Variants in RIMKLA observed in about 807,000 individuals in gnomAD.
RIMKLA encodes ribosomal modification protein rimK like family member A.
Under a neutral mutation model 32.7 loss-of-function variants are expected in RIMKLA, and 14 were observed. That is an observed-to-expected ratio of 0.43 (90% CI 0.28 to 0.67). RIMKLA has a LOEUF of 0.67. Ranked by LOEUF, RIMKLA falls within the 30% of genes least tolerant of loss-of-function variation. The pLI is 0.18. For missense variants in RIMKLA, 410 were observed against 519.0 expected (o/e 0.79, Z 2.04); for synonymous variants, 176 against 204.1 (o/e 0.86, Z 1.18).
Position 42,385,755 on chromosome 1 carries a change from C to G in RIMKLA, c.163+4658C>G, listed in dbSNP as rs58474403. On this transcript the variant is annotated intron_variant, in intron 1 of 4. Coordinates refer to ENST00000431473, the MANE Select transcript of RIMKLA (RefSeq NM_173642.4). Reference sequence around the variant, plus strand: ...TCTTTCTTTCTTTCTTTCTTTCTTTCTTTCTTTCTTTCTTTGTTTCTTTGT... The same window carrying G: ...TCTTTCTTTCTTTCTTTCTTTCTTTGTTTCTTTCTTTCTTTGTTTCTTTGT... Among the ~76,000 whole-genome samples, 125 of 97,360 alleles carry G rather than the reference C, an allele frequency of 1.3e-3. 1 individual carries two copies. Among genetic ancestry groups the G allele is most frequent in the African/African-American group, 6.7e-3 (111 of 16,656 alleles). 63.9% of individuals were successfully genotyped at this position (97,360 alleles called of 152,430 possible).
Position 42,415,213 on chromosome 1 carries a change from C to A in RIMKLA, c.*239C>A, listed in dbSNP as rs1279449935. The A allele has an allele frequency of 4.4e-6, 2 of 455,978 alleles. No individual in the cohort carries two copies. The highest frequency in any genetic ancestry group is 3.9e-6 in the Non-Finnish European group (1 of 257,376). 28.2% of individuals were successfully genotyped at this position (455,978 alleles called of 1,614,324 possible). On this transcript the variant is annotated 3_prime_UTR_variant, in exon 5 of 5. Coordinates refer to ENST00000431473, the MANE Select transcript of RIMKLA (RefSeq NM_173642.4). ...CTGATCAGTATGAGACTGATGTCTG[C>A]TGTGAGCACGTGGATATTACGGCTG...
In RIMKLA at chr1:42,409,968, CTT is replaced by C. The variant is rs745414172; in HGVS notation, c.482-12_482-11del. The stretch of plus-strand genomic sequence containing the variant: ...GGCTTCTCTAACCCCTTCTCTTGCT[CTT>C]TTTCTTCTTAAAGGAAAAGCTGTTT... On this transcript the variant is annotated splice_polypyrimidine_tract_variant and intron_variant, in intron 3 of 4. Transcript: ENST00000431473. The C allele has an allele frequency of 6.2e-6, 10 of 1,609,836 alleles. No individual in the cohort carries two copies. The African/African-American group carries it at 1.1e-4, about 17-fold the overall frequency.
Position 42,404,549 on chromosome 1 carries a change from G to T in RIMKLA, c.433G>T (p.Glu145Ter). 1 of 1,613,750 alleles carries T rather than the reference G, an allele frequency of 6.2e-7. No individual in the cohort carries two copies. Among genetic ancestry groups the T allele is most frequent in the Non-Finnish European group, 8.5e-7 (1 of 1,179,874 alleles). ...CTTTTCAAAAATGATTGATGAAGCT[G>T]AGCCCCTGGGCTACCCAGTCGTGGT... ...EDFSKMIDEA[E>*]PLGYPVVVKS... is the part of the protein sequence containing the mutation. The change falls in exon 3 of 5, where the codon GAG becomes TAG. Residue 145 changes from glutamate to a stop codon, truncating the protein, a stop_gained. Transcript: ENST00000431473. LOFTEE classifies it high-confidence loss of function.
chr1:42,387,859 A>G (rs1438436770), intron 1 of RIMKLA, among the ~76,000 whole-genome samples: 2 of 143,730 alleles, frequency 1.4e-5, no homozygotes, highest in African/African-American at 5.0e-5. Context: ...ATATTGGCGA[A>G]AAGAGCTAAG....
At chr1:42,402,591 CTTTT>C (rs34477169) in intron 2 of RIMKLA, among the ~76,000 whole-genome samples, 3 of 142,644 alleles carry the variant, frequency 2.1e-5, no homozygotes, top group Non-Finnish European at 1.5e-5. Context: ...ACCTGGCTAA[CTTTT>C]TTTTTTTTTT....
At chr1:42,402,591 CTTTTT>C (rs34477169) in intron 2 of RIMKLA, among the ~76,000 whole-genome samples, 5 of 142,662 alleles carry the variant, frequency 3.5e-5, no homozygotes, top group Admixed American at 3.5e-4. Context: ...ACCTGGCTAA[CTTTTT>C]TTTTTTTTTT....
At chr1:42,384,783 C>G (rs1201482248) in intron 1 of RIMKLA, among the ~76,000 whole-genome samples, 1 of 151,990 alleles carries the variant, frequency 6.6e-6, no homozygotes, top group African/African-American at 2.4e-5. Flanking sequence ...GGTCTAAACA[C>G]TTTGTCTCCT....
chr1:42,393,503 G>C (rs900547450), intron 1 of RIMKLA, among the ~76,000 whole-genome samples: 1 of 152,190 alleles, frequency 6.6e-6, no homozygotes, highest in African/African-American at 2.4e-5. Context: ...ACAGTTGGTG[G>C]AAAGAGAAAA....
At position 42,408,699 on chromosome 1, in the gene RIMKLA, G is replaced by A. The variant is rs576883348; in HGVS notation, c.482-1285G>A. ...GCCTCCCAAAGTGCTAGGATGTCAGGCGTGAGCCACTGCACCTGGCCTGGG... is the reference window on the plus strand; with the variant it reads ...GCCTCCCAAAGTGCTAGGATGTCAGACGTGAGCCACTGCACCTGGCCTGGG... On this transcript the variant is annotated intron_variant, in intron 3 of 4. Transcript: ENST00000431473. Among the ~76,000 whole-genome samples the A allele has an allele frequency of 3.9e-5, 6 of 152,230 alleles. No individual in the cohort carries two copies. The East Asian group carries it at 1.2e-3, about 30-fold the overall frequency.
chr1:42,411,592 T>G (rs1247251098), intron 4 of RIMKLA, among the ~76,000 whole-genome samples: 1 of 151,796 alleles, frequency 6.6e-6, no homozygotes, highest in Non-Finnish European at 1.5e-5. Flanking sequence ...ACCCGAGTAA[T>G]TGGGATTATA....
chr1:42,424,159 T>G lies in RIMKLA; in HGVS notation c.*9185T>G, dbSNP rs975025501. Among the ~76,000 whole-genome samples, 1 of 152,224 alleles carries G rather than the reference T, an allele frequency of 6.6e-6. No homozygotes were observed. The highest frequency in any genetic ancestry group is 2.4e-5 in the African/African-American group (1 of 41,450). On this transcript the variant is annotated 3_prime_UTR_variant, in exon 5 of 5. Transcript: ENST00000431473. ...ATGTCAATTTCCTCATTTTGGTGAT[T>G]GTTCTAATAAGAATACGTAAGAATG...
Position 42,417,773 on chromosome 1 carries a change from C to G in RIMKLA, c.*2799C>G, listed in dbSNP as rs1643262305. 6.6e-6 allele frequency: 1 copy of G among 152,116 alleles called. No individual in the cohort carries two copies. The highest frequency in any genetic ancestry group is 2.4e-5 in the African/African-American group (1 of 41,382). The allele number at this position is 152,116 out of a possible 1,614,324, so 9.4% of individuals were successfully genotyped here. A position where few individuals can be genotyped will look rare whatever the true frequency, so the allele number is the denominator to read the frequency against. Reference sequence around the variant, plus strand: ...GAGATTGAGACCATTCTGGCTAACACAGTGAACAAAAAATTAGTCGGGCAT... The same window carrying G: ...GAGATTGAGACCATTCTGGCTAACAGAGTGAACAAAAAATTAGTCGGGCAT... On this transcript the variant is annotated 3_prime_UTR_variant, in exon 5 of 5. Coordinates refer to ENST00000431473, the MANE Select transcript of RIMKLA (RefSeq NM_173642.4).
Position 42,380,905 on chromosome 1 carries a change from C to T in RIMKLA, c.-30C>T, listed in dbSNP as rs768188349. 21 of 1,308,186 alleles carry T rather than the reference C, an allele frequency of 1.6e-5. No individual in the cohort carries two copies. In the East Asian group the frequency reaches 2.5e-4, roughly 16 times the overall value. 81.0% of individuals were successfully genotyped at this position (1,308,186 alleles called of 1,614,324 possible). A position where few individuals can be genotyped will look rare whatever the true frequency, so the allele number is the denominator to read the frequency against. ...GCGGCCCGGGGCGCCGAGGGGTCCGCGCCGCGCGGGGCGCACCGCCCTGGC... is the reference window on the plus strand; with the variant it reads ...GCGGCCCGGGGCGCCGAGGGGTCCGTGCCGCGCGGGGCGCACCGCCCTGGC... On this transcript the variant is annotated 5_prime_UTR_variant, in exon 1 of 5. Coordinates refer to ENST00000431473, the MANE Select transcript of RIMKLA (RefSeq NM_173642.4).
chr1:42,385,799 C>CTTTCTT (rs761449314), intron 1 of RIMKLA, among the ~76,000 whole-genome samples: 1,123 of 109,104 alleles, frequency 0.01, 43 homozygotes, highest in Middle Eastern at 0.016. Flanking sequence ...TTCTTTCTTT[C>CTTTCTT]TCTCTCTCTT....
At chr1:42,407,091 A>C (rs1032590068) in intron 3 of RIMKLA, among the ~76,000 whole-genome samples, 4 of 151,844 alleles carry the variant, frequency 2.6e-5, no homozygotes, top group African/African-American at 9.7e-5. Context: ...TTTTTTATAG[A>C]GATGAGATTT....
At position 42,416,097 on chromosome 1, in the gene RIMKLA, G is replaced by GA. The variant is rs1643245955; in HGVS notation, c.*1123_*1124insA. 1 of 129,964 alleles carries GA rather than the reference G, an allele frequency of 7.7e-6. No homozygotes were observed. The highest frequency in any genetic ancestry group is 1.7e-5 in the Non-Finnish European group (1 of 57,940). The allele number at this position is 129,964 out of a possible 1,614,324, so 8.1% of individuals were successfully genotyped here. On this transcript the variant is annotated 3_prime_UTR_variant, in exon 5 of 5. Coordinates refer to ENST00000431473, the MANE Select transcript of RIMKLA (RefSeq NM_173642.4). ...CCATTGCACATTTTGCGGGGGGGGG[G>GA]GCTAATGTAGACATGACACCAAGTG...
chr1:42,400,159 G>A lies in RIMKLA; in HGVS notation c.394+525G>A, dbSNP rs112860798. 8.5e-5 allele frequency among the ~76,000 whole-genome samples: 13 copies of A among 152,264 alleles called. 1 individual carries two copies. Among genetic ancestry groups the A allele is most frequent in the African/African-American group, 3.1e-4 (13 of 41,544 alleles). On this transcript the variant is annotated intron_variant, in intron 2 of 4. Coordinates refer to ENST00000431473, the MANE Select transcript of RIMKLA (RefSeq NM_173642.4). ...AGAGCAGAATATAGAAAGACCCAGA[G>A]GGGAGAGACACCCTGACCTGTTGGT...
Position 42,399,637 on chromosome 1 carries a change from G to A in RIMKLA, c.394+3G>A. ...CATGCCAGACACCTTCTCCTATGGTGAGTCAGCTTGAAATAGCTTCCCAAA... is the reference window on the plus strand; with the variant it reads ...CATGCCAGACACCTTCTCCTATGGTAAGTCAGCTTGAAATAGCTTCCCAAA... On this transcript the variant is annotated splice_donor_region_variant and intron_variant, in intron 2 of 4. Coordinates refer to ENST00000431473, the MANE Select transcript of RIMKLA (RefSeq NM_173642.4). The A allele has an allele frequency of 1.9e-6, 3 of 1,568,510 alleles. No homozygotes were observed. Among genetic ancestry groups the A allele is most frequent in the Non-Finnish European group, 2.6e-6 (3 of 1,145,804 alleles).
intron 3 of RIMKLA, among the ~76,000 whole-genome samples, chr1:42,407,258 T>C (rs1354626452): frequency 6.6e-6 from 1 of 152,234 alleles, no homozygotes; most frequent in East Asian, 1.9e-4. Flanking sequence ...TGTTTGAACA[T>C]GTTTTTCACA....
Sources: allele counts gnomAD v4.1 joint callset (sites outside exome capture counted in the v4.1 genomes callset), GRCh38; gene constraint gnomAD v4.1.1; transcripts MANE v1.5; gene names NCBI Gene and HGNC (gene_info 2026-07-23, HGNC 2026-07-21).